The following RIC1 variants were observed in gnomAD, a reference collection of about 807,000 sequenced individuals.
RIC1 encodes RIC1 partner of RAB6A GEF complex.
Under a neutral mutation model 169.0 loss-of-function variants are expected in RIC1, and 88 were observed. That is an observed-to-expected ratio of 0.52 (90% CI 0.44 to 0.62). The LOEUF is 0.62. Ranked by LOEUF, RIC1 falls within the 20% of genes least tolerant of loss-of-function variation. The pLI is 0.00. For missense variants in RIC1, 1,877 were observed against 1,725.5 expected (o/e 1.09, Z -1.56); for synonymous variants, 790 against 601.5 (o/e 1.31, Z -4.59).
At chr9:5,754,008 G>A (rs189363514) in intron 14 of RIC1, among the ~76,000 whole-genome samples, 37 of 152,254 alleles carry the variant, frequency 2.4e-4, no homozygotes, top group Non-Finnish European at 2.1e-4. Context: ...TGATGTATAT[G>A]GGATAGTGAG....
At chr9:5,756,833 C>T (rs1000492335) in intron 16 of RIC1, among the ~76,000 whole-genome samples, 5 of 152,146 alleles carry the variant, frequency 3.3e-5, no homozygotes, top group Admixed American at 6.6e-5. Flanking sequence ...TGCTGCTGCA[C>T]GTTGCCTTAT....
intron 2 of RIC1, 24 bp from the exon 3 acceptor site, chr9:5,689,935 T>C (rs1821495317): frequency 6.8e-7 from 1 of 1,474,664 alleles, no homozygotes; most frequent in East Asian, 2.3e-5. Flanking sequence ...CTTTAATTCA[T>C]GATTAATAAA....
intron 1 of RIC1, among the ~76,000 whole-genome samples, chr9:5,641,496 C>T (rs1472227950): frequency 5.3e-5 from 8 of 152,136 alleles, no homozygotes; most frequent in Non-Finnish European, 8.8e-5. Context: ...TCTCTTATCC[C>T]TTTGAATGAA....
At chr9:5,743,099 C>A in intron 9 of RIC1, 86 bp downstream of exon 9, 2 of 1,275,124 alleles carry the variant, frequency 1.6e-6, no homozygotes, top group East Asian at 2.4e-5. Flanking sequence ...TCAGAACTTC[C>A]CTTTTTGCCT....
At chr9:5,665,574 G>C (rs770037817) in intron 2 of RIC1, among the ~76,000 whole-genome samples, 47 of 152,130 alleles carry the variant, frequency 3.1e-4, no homozygotes, top group Non-Finnish European at 6.2e-4. Flanking sequence ...ATCTTTGTGG[G>C]CTTATCTGCC....
At chr9:5,743,782 G>C in intron 10 of RIC1, 45 bp downstream of exon 10, 1 of 1,375,712 alleles carries the variant, frequency 7.3e-7, no homozygotes, top group Non-Finnish European at 1.0e-6. Context: ...AAAAAAACTT[G>C]GATTTTTCTT....
chr9:5,648,597 A>T (rs1818648590), intron 1 of RIC1, among the ~76,000 whole-genome samples: 1 of 152,148 alleles, frequency 6.6e-6, no homozygotes, highest in African/African-American at 2.4e-5. Context: ...AGAAATCTTC[A>T]TACTGTTTTT....
chr9:5,724,560 C>T (rs1823831088), intron 6 of RIC1, among the ~76,000 whole-genome samples: 1 of 152,162 alleles, frequency 6.6e-6, no homozygotes, highest in African/African-American at 2.4e-5. Flanking sequence ...TTTCTTTCTT[C>T]TGCCTGATTG....
chr9:5,705,955 T>C (rs917045688), intron 3 of RIC1, among the ~76,000 whole-genome samples: 1 of 152,250 alleles, frequency 6.6e-6, no homozygotes, highest in African/African-American at 2.4e-5. Context: ...TTACATTGAT[T>C]TTCATGTGTT....
chr9:5,764,915 T>C (rs1826602111), intron 19 of RIC1, among the ~76,000 whole-genome samples: 1 of 152,198 alleles, frequency 6.6e-6, no homozygotes, highest in Admixed American at 6.5e-5. Context: ...CAGGTTAAAT[T>C]TGTGAAAGAA....
Position 5,754,947 on chromosome 9 carries a change from A to T in RIC1, c.1692+17A>T, listed in dbSNP as rs1167348937. 1.4e-6 allele frequency: 2 copies of T among 1,427,000 alleles called. No homozygotes were observed. The highest frequency in any genetic ancestry group is 1.9e-6 in the Non-Finnish European group (2 of 1,043,946). The allele number at this position is 1,427,000 out of a possible 1,614,324, so 88.4% of individuals were successfully genotyped here. A position where few individuals can be genotyped will look rare whatever the true frequency, so the allele number is the denominator to read the frequency against. On this transcript the variant is annotated intron_variant, in intron 15 of 25. Coordinates refer to ENST00000414202, the MANE Select transcript of RIC1 (RefSeq NM_020829.4). ...CAAGAAGAGGTAAGTTTTTTCTCTCAGAAATAACAGATTTTTATATTTTAA... is the reference window on the plus strand; with the variant it reads ...CAAGAAGAGGTAAGTTTTTTCTCTCTGAAATAACAGATTTTTATATTTTAA...
intron 1 of RIC1, among the ~76,000 whole-genome samples, chr9:5,652,109 A>T (rs1239521404): frequency 2.1e-5 from 3 of 145,630 alleles, no homozygotes; most frequent in Non-Finnish European, 4.4e-5. Context: ...TTTGGTTAAT[A>T]CAGCTTTGTA....
chr9:5,683,657 C>T (rs1022513523), intron 2 of RIC1, among the ~76,000 whole-genome samples: 10 of 152,198 alleles, frequency 6.6e-5, no homozygotes, highest in Non-Finnish European at 1.3e-4. Context: ...GGGAGAGCCA[C>T]TACCCTCTTC....
intron 6 of RIC1, 31 bp downstream of exon 6, chr9:5,720,781 G>T: frequency 6.5e-7 from 1 of 1,532,048 alleles, no homozygotes. Context: ...AGGGTTTTTT[G>T]TTATTGTGTA....
chr9:5,654,906 A>G (rs1027234162), intron 1 of RIC1, among the ~76,000 whole-genome samples: 1 of 152,036 alleles, frequency 6.6e-6, no homozygotes. Context: ...GTATATAGAA[A>G]ATTTATTGAC....
At chr9:5,744,918 T>C (rs76553853) in intron 10 of RIC1, among the ~76,000 whole-genome samples, 4,887 of 152,276 alleles carry the variant, frequency 0.032, 262 homozygotes, top group African/African-American at 0.11. Context: ...TTCTCTTCTC[T>C]CTTGCTCCAC....
intron 1 of RIC1, among the ~76,000 whole-genome samples, chr9:5,655,898 G>A (rs971507490): frequency 2.6e-5 from 4 of 151,952 alleles, no homozygotes; most frequent in East Asian, 1.9e-4. Flanking sequence ...ACAGAGTCTC[G>A]CTTTGTCACC....
intron 4 of RIC1, chr9:5,719,249 C>A (rs1823446094): frequency 6.6e-6 from 1 of 152,228 alleles, no homozygotes; most frequent in African/African-American, 2.4e-5. Context: ...CTAACCCTTT[C>A]CCTCTTCTTG....
chr9:5,683,578 T>C (rs754445866), intron 2 of RIC1, among the ~76,000 whole-genome samples: 7 of 152,180 alleles, frequency 4.6e-5, no homozygotes, highest in Non-Finnish European at 8.8e-5. Context: ...CCCTCAGTTA[T>C]GCTACTCAGG....
Sources: gnomAD v4.1 joint callset for allele counts (sites outside exome capture counted in the v4.1 genomes callset) on GRCh38, gnomAD v4.1.1 for gene constraint, MANE v1.5 for transcripts, NCBI Gene and HGNC (gene_info 2026-07-23, HGNC 2026-07-21) for gene names.